EHMT2: variants seen among roughly 807,000 people sequenced by gnomAD.
EHMT2 encodes the protein histone-lysine N-methyltransferase EHMT2.
EHMT2 carries 59 observed loss-of-function variants against 143.3 expected under a neutral mutation model. The observed-to-expected ratio is 0.41, with a 90% CI of 0.33 to 0.51. EHMT2 has a LOEUF of 0.51. EHMT2 is among the 20% of genes least tolerant of loss of function. The probability of loss-of-function intolerance (pLI) is 0.18; values close to 1 mark genes in which losing one functional copy is unlikely to be tolerated. For synonymous variants in EHMT2, 604 were observed against 651.5 expected, an observed-to-expected ratio of 0.93 and a Z score of 1.11; for missense variants, 1,174 against 1,645.9, an observed-to-expected ratio of 0.71 and a Z score of 4.96.
chr6:31,880,992 G>A lies in EHMT2; in HGVS notation c.3276+22C>T. On this transcript the variant is annotated intron_variant, in intron 26 of 27. Transcript: ENST00000375537. This position sits in a 1 kb window ranked among gnomAD's most constrained non-coding sequence, Gnocchi z 6.6. ...AAAGCCAGCCCTGGGGAGCAGCAGG[G>A]TAAGGAGGGTCTCCTGCTCACCTTG... 3 of 1,609,920 alleles carry A rather than the reference G, an allele frequency of 1.9e-6. No homozygotes were observed. The highest frequency in any genetic ancestry group is 2.5e-6 in the Non-Finnish European group (3 of 1,177,332).
intron 15 of EHMT2, 131 bp from the exon 16 acceptor site, chr6:31,887,232 G>T: frequency 1.4e-6 from 1 of 736,880 alleles, no homozygotes; most frequent in South Asian, 1.8e-5. Context: ...GGCATTCTCC[G>T]AGCTTGCCTC....
At position 31,884,608 on chromosome 6, in the gene EHMT2, T is replaced by A; in HGVS notation, c.2603+37A>T. The A allele has an allele frequency of 5.0e-6, 8 of 1,602,364 alleles. No homozygotes were observed. The highest frequency in any genetic ancestry group is 6.8e-6 in the Non-Finnish European group (8 of 1,173,196). ...ATGCAGGGTCTGAGGCTGCAAGAAG[T>A]GGGGGCAGGGGCATCAAGGGCGGGG... On this transcript the variant is annotated intron_variant, in intron 20 of 27. Coordinates refer to ENST00000375537, the Ensembl canonical transcript of EHMT2. The surrounding 1 kb of genome is among the most constrained non-coding windows in gnomAD (Gnocchi z 7.3).
rs776926429 is a variant in EHMT2 at position 31,889,091 on chromosome 6, G to A, written c.1115-21C>T. The A allele has an allele frequency of 1.9e-6, 3 of 1,587,944 alleles. No homozygotes were observed. The highest frequency in any genetic ancestry group is 1.7e-6 in the Non-Finnish European group (2 of 1,166,326). The stretch of plus-strand genomic sequence containing the variant: ...CACTCCTGACACAGAGACAGAGAGA[G>A]TGAGAGTGCGAGCTCACAGGTGCCT... On this transcript the variant is annotated intron_variant, in intron 9 of 27. Transcript: ENST00000375537. The surrounding 1 kb of genome is among the most constrained non-coding windows in gnomAD (Gnocchi z 5.1).
Position 31,889,100 on chromosome 6 carries a change from C to T in EHMT2, c.1115-30G>A. 1.9e-6 allele frequency: 3 copies of T among 1,577,838 alleles called. No homozygotes were observed. The highest frequency in any genetic ancestry group is 1.1e-5 in the South Asian group (1 of 87,066). On this transcript the variant is annotated intron_variant, in intron 9 of 27. Coordinates refer to ENST00000375537, the Ensembl canonical transcript of EHMT2. This position sits in a 1 kb window ranked among gnomAD's most constrained non-coding sequence, Gnocchi z 5.1. ...CACAGAGACAGAGAGAGTGAGAGTG[C>T]GAGCTCACAGGTGCCTGGACGCGTG...
chr6:31,880,618 G>A lies in EHMT2; in HGVS notation c.3452+55C>T. 1.3e-6 allele frequency: 2 copies of A among 1,586,602 alleles called. No homozygotes were observed. Among genetic ancestry groups the A allele is most frequent in the Middle Eastern group, 2.2e-4 (1 of 4,608 alleles). ...GTACATGCCAGCCTTCAGGTCCCAGGTTTGCTGCATCTCCCACCCCCTGGC... is the reference window on the plus strand; with the variant it reads ...GTACATGCCAGCCTTCAGGTCCCAGATTTGCTGCATCTCCCACCCCCTGGC... On this transcript the variant is annotated intron_variant, in intron 27 of 27. Coordinates refer to ENST00000375537, the Ensembl canonical transcript of EHMT2. This position sits in a 1 kb window ranked among gnomAD's most constrained non-coding sequence, Gnocchi z 6.6.
chr6:31,896,762 A>G, exon 3 of EHMT2: 1 of 1,613,020 alleles, frequency 6.2e-7, no homozygotes. Context: ...GGCTCCAGGG[A>G]GTCGGGGGTG....
At chr6:31,887,490 C>A in intron 15 of EHMT2, 87 bp downstream of exon 15, 1 of 1,214,762 alleles carries the variant, frequency 8.2e-7, no homozygotes, top group East Asian at 2.4e-5. Context: ...CTGTGTCCTT[C>A]ACGACTGTAC....
chr6:31,894,283 T>C (rs1431908470), intron 4 of EHMT2, among the ~76,000 whole-genome samples: 2 of 151,952 alleles, frequency 1.3e-5, no homozygotes, highest in African/African-American at 2.4e-5. Flanking sequence ...AGTAGCGGAC[T>C]GTTACAGGCA....
chr6:31,893,227 G>A (rs1244695603), intron 4 of EHMT2: 6 of 513,502 alleles, frequency 1.2e-5, no homozygotes, highest in Non-Finnish European at 2.1e-5. Context: ...CAACAGCTGA[G>A]GTGCGGAAGC....
chr6:31,896,409 T>A (rs142267564), exon 4 of EHMT2: 5 of 1,612,850 alleles, frequency 3.1e-6, no homozygotes, highest in Non-Finnish European at 4.2e-6. Flanking sequence ...ATAGCCAAAC[T>A]CTGGACAGAT....
intron 7 of EHMT2, 60 bp downstream of exon 7, chr6:31,892,347 G>C: frequency 1.3e-6 from 2 of 1,580,586 alleles, no homozygotes; most frequent in Middle Eastern, 1.7e-4. Flanking sequence ...AGGAGGACTG[G>C]ACAGTGAGCC....
In EHMT2 at chr6:31,880,256, T is replaced by C; in HGVS notation, c.3461A>G (p.Tyr1154Cys). 3 of 1,610,540 alleles carry C rather than the reference T, an allele frequency of 1.9e-6. No homozygotes were observed. Among genetic ancestry groups the C allele is most frequent in the Non-Finnish European group, 2.5e-6 (3 of 1,177,994 alleles). ...TTTGATGTCCCAGAAGCGGTCGCCA[T>C]AGTCAAACCTGTCAGAGGAAAACAG... The change falls in exon 28 of 28, where the codon TAT becomes TGT. Residue 1154 changes from tyrosine to cysteine, a missense_variant. Transcript: ENST00000375537. The surrounding 1 kb of genome is among the most constrained non-coding windows in gnomAD (Gnocchi z 6.6).
chr6:31,889,717 A>C lies in EHMT2; in HGVS notation c.865-115T>G. On this transcript the variant is annotated intron_variant, in intron 7 of 27. Transcript: ENST00000375537. The surrounding 1 kb of genome is among the most constrained non-coding windows in gnomAD (Gnocchi z 5.1). ...CACTACCCACGGATGGCTGCTGGGG[A>C]TAAGTGTGGGTAGCAGAGGAGACAA... 2 of 1,344,588 alleles carry C rather than the reference A, an allele frequency of 1.5e-6. No individual in the cohort carries two copies. The highest frequency in any genetic ancestry group is 2.4e-5 in the South Asian group (2 of 83,964). 83.3% of individuals were successfully genotyped at this position (1,344,588 alleles called of 1,614,324 possible).
At chr6:31,895,225 C>G (rs1206038463) in intron 4 of EHMT2, among the ~76,000 whole-genome samples, 19 of 152,190 alleles carry the variant, frequency 1.2e-4, no homozygotes, top group African/African-American at 4.3e-4. Flanking sequence ...GACTAGGGTG[C>G]TGCTTCACCC....
chr6:31,883,966 A>G lies in EHMT2; in HGVS notation c.2772-16T>C. On this transcript the variant is annotated splice_polypyrimidine_tract_variant and intron_variant, in intron 21 of 27. Transcript: ENST00000375537. This position sits in a 1 kb window ranked among gnomAD's most constrained non-coding sequence, Gnocchi z 5.6. ...AGCCACGTCCCTGCAGAAGACGGGA[A>G]GAAGGGGCTGGGAAGCTGGAAAAGG... 1.9e-6 allele frequency: 3 copies of G among 1,612,454 alleles called. No individual in the cohort carries two copies. The highest frequency in any genetic ancestry group is 2.5e-6 in the Non-Finnish European group (3 of 1,178,948).
At chr6:31,891,365 G>A (rs778304515) in intron 7 of EHMT2, among the ~76,000 whole-genome samples, 4 of 152,130 alleles carry the variant, frequency 2.6e-5, no homozygotes, top group Non-Finnish European at 4.4e-5. Context: ...TTAAGAAATC[G>A]GTAAGTTTTT....
chr6:31,892,777 C>T, intron 5 of EHMT2, 43 bp from the exon 6 acceptor site: 1 of 1,613,058 alleles, frequency 6.2e-7, no homozygotes, highest in Non-Finnish European at 8.5e-7. Context: ...TCACCGAAAC[C>T]TTCAGAACAG....
At position 31,881,329 on chromosome 6, in the gene EHMT2, A is replaced by C. The variant is rs1257108544; in HGVS notation, c.3198-237T>G. On this transcript the variant is annotated intron_variant, in intron 25 of 27. Transcript: ENST00000375537. This position sits in a 1 kb window ranked among gnomAD's most constrained non-coding sequence, Gnocchi z 4.8. Reference sequence around the variant, plus strand: ...AACAAGCTCTGTGGTTAAGGGGATTAATGTGTAGGGGCAGTTGGCCTGGGT... The same window carrying C: ...AACAAGCTCTGTGGTTAAGGGGATTCATGTGTAGGGGCAGTTGGCCTGGGT... 3.3e-6 allele frequency: 2 copies of C among 598,800 alleles called. No homozygotes were observed. Among genetic ancestry groups the C allele is most frequent in the Non-Finnish European group, 6.0e-6 (2 of 334,944 alleles). The allele number at this position is 598,800 out of a possible 1,614,324, so 37.1% of individuals were successfully genotyped here.
At chr6:31,893,101 A>G (rs1215782838) in intron 4 of EHMT2, 191 bp from the exon 5 acceptor site, 1 of 568,850 alleles carries the variant, frequency 1.8e-6, no homozygotes, top group Non-Finnish European at 3.1e-6. Flanking sequence ...ACTAACACTC[A>G]CTCATCTCTG....
Sources: gnomAD v4.1 joint callset for allele counts (sites outside exome capture counted in the v4.1 genomes callset) on GRCh38, gnomAD v4.1.1 for gene constraint, Gnocchi (gnomAD v3.1) non-coding constraint, MANE v1.5 for transcripts, NCBI Gene and HGNC (gene_info 2026-07-23, HGNC 2026-07-21) for gene names.